Variants in TNNT3 observed in about 807,000 individuals in gnomAD.
TNNT3 encodes the protein troponin T, fast skeletal muscle.
A neutral mutation model predicts 54.2 loss-of-function variants in TNNT3; 36 were observed. The observed-to-expected ratio is 0.66, with a 90% CI of 0.51 to 0.88. The LOEUF is 0.88. TNNT3 is among the 40% of genes least tolerant of loss of function. The pLI is 0.00. For synonymous variants in TNNT3, 120 were observed against 109.7 expected (o/e 1.09, Z -0.59); for missense variants, 291 against 331.6 (o/e 0.88, Z 0.95).
intron 5 of TNNT3, among the ~76,000 whole-genome samples, chr11:1,925,922 A>T (rs1213342353): frequency 6.6e-6 from 1 of 152,126 alleles, no homozygotes; most frequent in East Asian, 1.9e-4. Context: ...GGTGGAAAGA[A>T]TTCCATCAGG....
At position 1,929,692 on chromosome 11, in the gene TNNT3, C is replaced by T. The variant is rs924192506; in HGVS notation, c.107-118C>T. 1.1e-4 allele frequency: 119 copies of T among 1,106,012 alleles called. 1 individual carries two copies. Among genetic ancestry groups the T allele is most frequent in the African/African-American group, 2.3e-4 (15 of 64,306 alleles). 68.5% of individuals were successfully genotyped at this position (1,106,012 alleles called of 1,614,324 possible). A position where few individuals can be genotyped will look rare whatever the true frequency, so the allele number is the denominator to read the frequency against. On this transcript the variant is annotated intron_variant, in intron 7 of 15. Transcript: ENST00000278317. ...TGGGGGTACTCCCAGCTGAAAAGGA[C>T]GGTGGCCTTCAGTGAAGGGGAACCC...
intron 7 of TNNT3, 78 bp downstream of exon 7, chr11:1,929,221 C>A: frequency 6.6e-7 from 1 of 1,516,070 alleles, no homozygotes; most frequent in South Asian, 1.1e-5. Flanking sequence ...AGGCTGGGGT[C>A]TCTCGCTGCC....
intron 14 of TNNT3, among the ~76,000 whole-genome samples, chr11:1,936,726 A>G (rs1354050150): frequency 2.6e-5 from 4 of 152,164 alleles, no homozygotes; most frequent in African/African-American, 4.8e-5. Context: ...TGTGTGTGGC[A>G]GTCCAGGCCA....
At chr11:1,923,968 A>C (rs563839874) in intron 4 of TNNT3, among the ~76,000 whole-genome samples, 1 of 144,678 alleles carries the variant, frequency 6.9e-6, no homozygotes, top group African/African-American at 2.8e-5. Context: ...CTCTCTCTCT[A>C]TCTCTACCCT....
chr11:1,923,187 T>C, intron 3 of TNNT3, 126 bp downstream of exon 3: 1 of 1,382,842 alleles, frequency 7.2e-7, no homozygotes, highest in Non-Finnish European at 1.0e-6. Flanking sequence ...ATCCCATGGG[T>C]GGCTTCTGAG....
At chr11:1,933,611 C>A in intron 9 of TNNT3, 110 bp from the exon 10 acceptor site, 1 of 833,042 alleles carries the variant, frequency 1.2e-6, no homozygotes, top group Non-Finnish European at 2.1e-6. Flanking sequence ...CCAAGGGAGT[C>A]AGGGCTTCTC....
chr11:1,938,348 G>T, intron 15 of TNNT3, 90 bp from the exon 16 acceptor site: 1 of 1,422,564 alleles, frequency 7.0e-7, no homozygotes, highest in Non-Finnish European at 9.9e-7. Context: ...GCAGCCTGGG[G>T]TCGGGCTGAG....
At chr11:1,938,353 G>A in intron 15 of TNNT3, 85 bp from the exon 16 acceptor site, 1 of 1,482,632 alleles carries the variant, frequency 6.7e-7, no homozygotes, top group Non-Finnish European at 9.4e-7. Context: ...CTGGGGTCGG[G>A]CTGAGAGTCC....
chr11:1,937,696 TC>T (rs1223274320), intron 15 of TNNT3, among the ~76,000 whole-genome samples: 1 of 152,194 alleles, frequency 6.6e-6, no homozygotes, highest in Non-Finnish European at 1.5e-5. Flanking sequence ...TTCTTCTCCC[TC>T]CTCCTGTCGC....
At chr11:1,923,855 C>A (rs975510300) in intron 4 of TNNT3, among the ~76,000 whole-genome samples, 1 of 152,102 alleles carries the variant, frequency 6.6e-6, no homozygotes, top group African/African-American at 2.4e-5. Context: ...CTTCATTAAT[C>A]CTTCATCCTC....
chr11:1,930,054 A>G (rs1031919212), intron 8 of TNNT3, among the ~76,000 whole-genome samples: 5 of 152,154 alleles, frequency 3.3e-5, no homozygotes, highest in Admixed American at 3.3e-4. Flanking sequence ...GGACGCTCAG[A>G]GCGCAGGGTG....
chr11:1,922,706 G>A, intron 1 of TNNT3, 151 bp from the exon 2 acceptor site: 3 of 724,422 alleles, frequency 4.1e-6, no homozygotes, highest in Non-Finnish European at 7.3e-6. Context: ...CCAAGGAGGT[G>A]GACTCACCCA....
intron 8 of TNNT3, among the ~76,000 whole-genome samples, chr11:1,930,736 G>A (rs1221006648): frequency 1.3e-5 from 2 of 152,166 alleles, no homozygotes; most frequent in African/African-American, 4.8e-5. Flanking sequence ...GAAGGGTACA[G>A]CCGGCGTATT....
At chr11:1,930,487 G>A (rs948526357) in intron 8 of TNNT3, among the ~76,000 whole-genome samples, 10 of 152,158 alleles carry the variant, frequency 6.6e-5, no homozygotes, top group African/African-American at 2.4e-4. Context: ...TGTCCTCATC[G>A]CACCTGCTTG....
chr11:1,938,124 C>A, intron 15 of TNNT3: 2 of 419,938 alleles, frequency 4.8e-6, no homozygotes, highest in Non-Finnish European at 4.5e-6. Context: ...AGGATTATAT[C>A]ATTATCTGCT....
intron 14 of TNNT3, chr11:1,935,130 G>A (rs1436529344): frequency 6.2e-6 from 4 of 646,188 alleles, no homozygotes; most frequent in East Asian, 2.8e-5. Flanking sequence ...GGCTGGCCAT[G>A]CAGCGCCCTG....
intron 7 of TNNT3, 125 bp downstream of exon 7, chr11:1,929,268 T>C: frequency 8.0e-7 from 1 of 1,251,842 alleles, no homozygotes; most frequent in Non-Finnish European, 1.2e-6. Context: ...TCTCTTCCCC[T>C]GGCACGGGGG....
intron 12 of TNNT3, 39 bp downstream of exon 12, chr11:1,934,484 T>C: frequency 6.2e-7 from 1 of 1,609,878 alleles, no homozygotes; most frequent in Non-Finnish European, 8.5e-7. Flanking sequence ...TAGCCTTCAG[T>C]GTGGGCTACG....
chr11:1,929,799 G>T lies in TNNT3; in HGVS notation c.107-11G>T. The T allele has an allele frequency of 6.4e-7, 1 of 1,551,734 alleles. No individual in the cohort carries two copies. The highest frequency in any genetic ancestry group is 8.7e-7 in the Non-Finnish European group (1 of 1,147,168). ...GTGTCCCTCTCCCTACGCTGGTGCT[G>T]TGTGGACCAGAGGAGAAACCGAGAC... On this transcript the variant is annotated splice_polypyrimidine_tract_variant and intron_variant, in intron 7 of 15. Coordinates refer to ENST00000278317, the MANE Select transcript of TNNT3 (RefSeq NM_006757.4).
Sources: gnomAD v4.1 joint callset for allele counts (sites outside exome capture counted in the v4.1 genomes callset) on GRCh38, gnomAD v4.1.1 for gene constraint, MANE v1.5 for transcripts, NCBI Gene and HGNC (gene_info 2026-07-23, HGNC 2026-07-21) for gene names.